The following PEAK1 variants were observed in gnomAD, a reference collection of about 807,000 sequenced individuals.
PEAK1 encodes pseudopodium enriched atypical kinase 1.
In PEAK1, 54 loss-of-function variants were observed where a neutral mutation model predicts 124.7. The ratio of observed to expected loss-of-function variants is 0.43; its 90% CI spans 0.35 to 0.54. The LOEUF (loss-of-function observed/expected upper bound fraction) is 0.54, where lower values mean the gene tolerates loss of function less well. Ranked by LOEUF, PEAK1 falls within the 20% of genes least tolerant of loss-of-function variation. PEAK1 has a pLI of 0.01. For synonymous variants in PEAK1, 719 were observed against 760.0 expected (o/e 0.95, Z 0.89); for missense variants, 2,046 against 2,134.5 (o/e 0.96, Z 0.82).
At position 77,199,854 on chromosome 15, in the gene PEAK1, A is replaced by G. The variant is rs75876379; in HGVS notation, c.-114-17814T>C. 4.3e-3 allele frequency among the ~76,000 whole-genome samples: 652 copies of G among 152,336 alleles called. 1 individual carries two copies. The highest frequency in any genetic ancestry group is 0.013 in the African/African-American group (557 of 41,588). On this transcript the variant is annotated intron_variant, in intron 6 of 9. Transcript: ENST00000682557. ...CCAGAAAACAGATTGAGGTTAGACA[A>G]TCCAGTAGAAGGATTCTGACGATTC...
At chr15:77,333,120 A>G (rs954100096) in intron 2 of PEAK1, 26 of 981,428 alleles carry the variant, frequency 2.6e-5, no homozygotes, top group Non-Finnish European at 3.1e-5. Context: ...TTTGATACAT[A>G]ATTTTTTGTG....
At chr15:77,372,338 G>A (rs887185659) in intron 1 of PEAK1, among the ~76,000 whole-genome samples, 1 of 152,168 alleles carries the variant, frequency 6.6e-6, no homozygotes, top group African/African-American at 2.4e-5. Flanking sequence ...GAATCTGACA[G>A]GCCAGCAATT....
chr15:77,151,561 T>C (rs981161596), intron 8 of PEAK1, among the ~76,000 whole-genome samples: 1 of 152,174 alleles, frequency 6.6e-6, no homozygotes, highest in Non-Finnish European at 1.5e-5. Context: ...TTGCTTTTGG[T>C]GTTTTAGACA....
chr15:77,133,215 T>G lies in PEAK1; in HGVS notation c.3867A>C (p.Lys1289Asn). ...GLENREEVVG[K>N]IRSLHTDALK... ...AGGCATCTGTATGAAGGCTTCGGATTTTACCCACTACTTCCTCCCGATTCT... is the reference window on the plus strand; with the variant it reads ...AGGCATCTGTATGAAGGCTTCGGATGTTACCCACTACTTCCTCCCGATTCT... The change falls in exon 9 of 10, where the codon AAA becomes AAC. Residue 1289 changes from lysine (K) to asparagine (N), a missense_variant. Coordinates refer to ENST00000682557, the MANE Select transcript of PEAK1 (RefSeq NM_001385026.1). This position sits in a 1 kb window ranked among gnomAD's most constrained non-coding sequence, Gnocchi z 4.2. The G allele has an allele frequency of 1.2e-6, 2 of 1,614,212 alleles. No individual in the cohort carries two copies. The highest frequency in any genetic ancestry group is 1.7e-6 in the Non-Finnish European group (2 of 1,180,034).
At chr15:77,283,464 A>T (rs1056403606) in intron 5 of PEAK1, among the ~76,000 whole-genome samples, 1 of 152,182 alleles carries the variant, frequency 6.6e-6, no homozygotes, top group African/African-American at 2.4e-5. Flanking sequence ...AGAAAAAAAA[A>T]TTGTACAAGA....
intron 1 of PEAK1, chr15:77,401,857 T>C (rs2071399386): frequency 5.1e-6 from 5 of 985,088 alleles, no homozygotes; most frequent in Non-Finnish European, 6.0e-6. Context: ...TTTATTATAT[T>C]TTCTATGCTA....
At chr15:77,169,146 C>T (rs1421205690) in intron 7 of PEAK1, among the ~76,000 whole-genome samples, 1 of 152,154 alleles carries the variant, frequency 6.6e-6, no homozygotes. Context: ...CCAGGCTGAA[C>T]TTGAACTCCT....
At chr15:77,398,297 A>G (rs1247741122) in intron 1 of PEAK1, among the ~76,000 whole-genome samples, 1 of 152,162 alleles carries the variant, frequency 6.6e-6, no homozygotes, top group Non-Finnish European at 1.5e-5. Context: ...ACAAAGACAC[A>G]TTTAAAAAAA....
chr15:77,365,079 T>C (rs2068131474), intron 2 of PEAK1, 84 bp downstream of exon 2: 1 of 341,492 alleles, frequency 2.9e-6, no homozygotes, highest in African/African-American at 2.2e-5. Context: ...AGATATTTGA[T>C]ATTGCCTTAA....
intron 5 of PEAK1, among the ~76,000 whole-genome samples, chr15:77,261,694 T>A (rs1181673389): frequency 6.6e-6 from 1 of 152,128 alleles, no homozygotes; most frequent in Non-Finnish European, 1.5e-5. Flanking sequence ...TGCAGGATAT[T>A]ATCCAGGAGA....
chr15:77,141,143 TA>T (rs1241784803), intron 8 of PEAK1, among the ~76,000 whole-genome samples: 3 of 152,204 alleles, frequency 2.0e-5, no homozygotes, highest in Non-Finnish European at 4.4e-5. Context: ...TTGAGAAGCG[TA>T]GCGAATCCAC....
intron 6 of PEAK1, among the ~76,000 whole-genome samples, chr15:77,182,716 C>T (rs934753952): frequency 6.6e-5 from 8 of 121,958 alleles, no homozygotes; most frequent in African/African-American, 2.4e-4. Context: ...TGCCACAGTA[C>T]TTCAGCCTGG....
In PEAK1 at chr15:77,372,165, TAAG is replaced by T. The variant is rs1045393638; in HGVS notation, c.-665-6943_-665-6941del. 1.4e-4 allele frequency among the ~76,000 whole-genome samples: 22 copies of T among 152,224 alleles called. 1 individual carries two copies. The highest frequency in any genetic ancestry group is 1.1e-3 in the Admixed American group (17 of 15,282). ...GATGTGTTCCCTAATTACACAAGTA[TAAG>T]AAGATGCATTGCTCCACTGTTGTCG... On this transcript the variant is annotated intron_variant, in intron 1 of 9. Transcript: ENST00000682557.
chr15:77,214,234 T>C (rs935977317), intron 6 of PEAK1, among the ~76,000 whole-genome samples: 1 of 152,114 alleles, frequency 6.6e-6, no homozygotes, highest in Non-Finnish European at 1.5e-5. Flanking sequence ...GGTGGGCATG[T>C]GTTTTCATTT....
At chr15:77,116,928 C>T (rs1044543473) in intron 9 of PEAK1, among the ~76,000 whole-genome samples, 1 of 152,120 alleles carries the variant, frequency 6.6e-6, no homozygotes, top group Non-Finnish European at 1.5e-5. Flanking sequence ...CTCTCGAAGT[C>T]TTAGTATATG....
chr15:77,136,569 G>A (rs1234248391), intron 8 of PEAK1, among the ~76,000 whole-genome samples: 1 of 152,092 alleles, frequency 6.6e-6, no homozygotes. Context: ...AGGAGGGTGA[G>A]CCAGGAGAAT....
In PEAK1 at chr15:77,133,198, G is replaced by A; in HGVS notation, c.3884C>T (p.Thr1295Ile). The change falls in exon 9 of 10, where the codon ACA becomes ATA. Residue 1295 changes from threonine (T) to isoleucine (I), a missense_variant. Coordinates refer to ENST00000682557, the MANE Select transcript of PEAK1 (RefSeq NM_001385026.1). The surrounding 1 kb of genome is among the most constrained non-coding windows in gnomAD (Gnocchi z 4.2). ...AACAGCCAGTTTCTTCAAGGCATCT[G>A]TATGAAGGCTTCGGATTTTACCCAC... is the stretch of plus-strand genomic sequence containing the variant. ...EVVGKIRSLHTDALKKLAVKC... is the reference protein window; with the variant it reads ...EVVGKIRSLHIDALKKLAVKC... 5 of 1,614,180 alleles carry A rather than the reference G, an allele frequency of 3.1e-6. No homozygotes were observed. The highest frequency in any genetic ancestry group is 4.2e-6 in the Non-Finnish European group (5 of 1,180,028).
chr15:77,363,115 C>T (rs1488119840), intron 2 of PEAK1, among the ~76,000 whole-genome samples: 2 of 152,164 alleles, frequency 1.3e-5, no homozygotes, highest in African/African-American at 4.8e-5. Flanking sequence ...CTCAGCCTCC[C>T]AAAGTGCTGG....
rs778488720 is a variant in PEAK1 at position 77,114,804 on chromosome 15, C to T, written c.4593G>A (p.Gly1531=). ...CTGCAGGCCCAAAGCCTTGGGCAGT[C>T]CCCCCAGGCTGGTAGTGGACAAGTA... ...NLLLVHYQPG[G]TAQGFGPAEP... is the part of the protein sequence containing the mutation. Residue 1531 remains glycine (G), a synonymous_variant, in exon 10 of 10, where the codon GGG becomes GGA. Coordinates refer to ENST00000682557, the MANE Select transcript of PEAK1 (RefSeq NM_001385026.1). The T allele has an allele frequency of 8.7e-6, 14 of 1,612,310 alleles. No individual in the cohort carries two copies. The highest frequency in any genetic ancestry group is 8.0e-5 in the African/African-American group (6 of 74,788).
Sources: gnomAD v4.1 joint callset for allele counts (sites outside exome capture counted in the v4.1 genomes callset) on GRCh38, gnomAD v4.1.1 for gene constraint, Gnocchi (gnomAD v3.1) non-coding constraint, MANE v1.5 for transcripts, NCBI Gene and HGNC (gene_info 2026-07-23, HGNC 2026-07-21) for gene names.